MCC: variants seen among roughly 807,000 people sequenced by gnomAD.
MCC encodes the protein MCC regulator of Wnt signaling pathway, also known as colorectal mutant cancer protein.
Under a neutral mutation model 116.2 loss-of-function variants are expected in MCC, and 90 were observed. That is an observed-to-expected ratio of 0.77 (90% CI 0.65 to 0.92). The LOEUF (loss-of-function observed/expected upper bound fraction) is 0.92, where lower values mean the gene tolerates loss of function less well. Ranked by LOEUF, MCC falls within the 40% of genes least tolerant of loss-of-function variation. The probability of loss-of-function intolerance (pLI) is 0.00; values close to 1 mark genes in which losing one functional copy is unlikely to be tolerated. For missense variants in MCC, 1,516 were observed against 1,312.2 expected, an observed-to-expected ratio of 1.16 and a Z score of -2.40; for synonymous variants, 578 against 510.5, an observed-to-expected ratio of 1.13 and a Z score of -1.78.
chr5:113,247,801 G>A (rs542025416), intron 3 of MCC, among the ~76,000 whole-genome samples: 98 of 152,186 alleles, frequency 6.4e-4, no homozygotes, highest in Non-Finnish European at 1.1e-3. Flanking sequence ...ATGGGAGAAT[G>A]GTGTCACCAT....
intron 1 of MCC, among the ~76,000 whole-genome samples, chr5:113,459,568 C>T (rs1771688189): frequency 1.3e-5 from 2 of 151,970 alleles, no homozygotes; most frequent in Non-Finnish European, 2.9e-5. Context: ...ATTCTGTGTT[C>T]ACAGAATCTT....
At chr5:113,336,923 G>A (rs1194349652) in intron 3 of MCC, among the ~76,000 whole-genome samples, 1 of 152,178 alleles carries the variant, frequency 6.6e-6, no homozygotes, top group Non-Finnish European at 1.5e-5. Flanking sequence ...GCTTATGTAG[G>A]AATCTCTCAG....
intron 14 of MCC, among the ~76,000 whole-genome samples, chr5:113,059,087 G>A (rs922514491): frequency 1.3e-5 from 2 of 151,844 alleles, no homozygotes; most frequent in African/African-American, 2.4e-5. Context: ...ATGGCAGGCA[G>A]GGAAGGCTTT....
intron 3 of MCC, among the ~76,000 whole-genome samples, chr5:113,267,302 C>T (rs1765458395): frequency 1.3e-5 from 2 of 152,116 alleles, no homozygotes. Flanking sequence ...GCAATTCACT[C>T]CTCTGCTACT....
At chr5:113,226,920 C>G (rs374594237) in intron 3 of MCC, among the ~76,000 whole-genome samples, 1 of 152,146 alleles carries the variant, frequency 6.6e-6, no homozygotes, top group Non-Finnish European at 1.5e-5. Flanking sequence ...ATTACCTTAA[C>G]AGTTTTGACA....
At chr5:113,197,173 G>A (rs59269054) in intron 3 of MCC, among the ~76,000 whole-genome samples, 16,279 of 152,182 alleles carry the variant, frequency 0.11, 898 homozygotes, top group South Asian at 0.14. Context: ...TCTTAAATAC[G>A]TTCTGGGTCG....
At chr5:113,351,262 A>G (rs1248254209) in intron 2 of MCC, among the ~76,000 whole-genome samples, 2 of 152,198 alleles carry the variant, frequency 1.3e-5, no homozygotes, top group Non-Finnish European at 1.5e-5. Context: ...ACTATTCACA[A>G]TAACCAAGGT....
intron 3 of MCC, among the ~76,000 whole-genome samples, chr5:113,268,057 A>C (rs1033078694): frequency 2.0e-5 from 3 of 152,164 alleles, no homozygotes; most frequent in African/African-American, 7.2e-5. Context: ...AAATTCTGTC[A>C]CTATTGTAGC....
At position 113,385,052 on chromosome 5, in the gene MCC, G is replaced by T. The variant is rs201988704; in HGVS notation, c.331C>A (p.Leu111Ile). Reference sequence around the variant, plus strand: ...CAGGAGTTGTCTGACTTTGCAGAAAGATCTACTTCCTCCTTCCTAATTTCT... The same window carrying T: ...CAGGAGTTGTCTGACTTTGCAGAAATATCTACTTCCTCCTTCCTAATTTCT... ...VREIRKEEVD[L>I]SAKSDNSCTK... Residue 111 changes from leucine (L) to isoleucine (I), a missense_variant, in exon 2 of 19, where the codon CTT becomes ATT. Physicochemically the swap from Leu to Ile is conservative, Grantham distance 5. Transcript: ENST00000408903. The T allele has an allele frequency of 6.2e-7, 1 of 1,614,200 alleles. No individual in the cohort carries two copies. Among genetic ancestry groups the T allele is most frequent in the East Asian group, 2.2e-5 (1 of 44,886 alleles).
chr5:113,072,923 C>A (rs1369486583), intron 11 of MCC, among the ~76,000 whole-genome samples: 1 of 152,128 alleles, frequency 6.6e-6, no homozygotes, highest in Non-Finnish European at 1.5e-5. Context: ...TTCTTGATTT[C>A]CCCTGAACCT....
intron 1 of MCC, among the ~76,000 whole-genome samples, chr5:113,451,825 TAACA>T (rs1267921724): frequency 6.6e-6 from 1 of 152,236 alleles, no homozygotes; most frequent in Non-Finnish European, 1.5e-5. Context: ...CACTGCTGTG[TAACA>T]AACCAATCTA....
intron 3 of MCC, among the ~76,000 whole-genome samples, chr5:113,327,554 AAAAAAAAAT>A (rs1767592341): frequency 9.4e-6 from 1 of 105,836 alleles, no homozygotes; most frequent in Non-Finnish European, 2.0e-5. Context: ...TCAAAAAAAA[AAAAAAAAAT>A]ATATATATAT....
chr5:113,359,483 CTT>C (rs1768494481), intron 2 of MCC, among the ~76,000 whole-genome samples: 1 of 152,204 alleles, frequency 6.6e-6, no homozygotes, highest in South Asian at 2.1e-4. Context: ...AATAAACAGA[CTT>C]TAAAATTCTC....
At chr5:113,438,991 C>T (rs940940670) in intron 1 of MCC, among the ~76,000 whole-genome samples, 9 of 152,090 alleles carry the variant, frequency 5.9e-5, no homozygotes, top group African/African-American at 1.9e-4. Context: ...TGGGAGGTCA[C>T]CCAGGATACG....
At chr5:113,480,536 C>T (rs1054989383) in intron 1 of MCC, among the ~76,000 whole-genome samples, 7 of 152,200 alleles carry the variant, frequency 4.6e-5, no homozygotes, top group Non-Finnish European at 1.0e-4. Context: ...AACCTCGATG[C>T]TTCCTCAAGA....
intron 1 of MCC, among the ~76,000 whole-genome samples, chr5:113,480,894 C>A (rs1208966055): frequency 6.6e-6 from 1 of 152,164 alleles, no homozygotes; most frequent in South Asian, 2.1e-4. Context: ...CCCTCCTCAG[C>A]CTCCTGAGTA....
chr5:113,028,890 C>A (rs1259696562), intron 18 of MCC, 44 bp downstream of exon 18: 2 of 1,601,036 alleles, frequency 1.2e-6, no homozygotes, highest in Non-Finnish European at 1.7e-6. Context: ...GTCCAAGTAC[C>A]ACAGGTGGAG....
chr5:113,438,452 C>A (rs950945202), intron 1 of MCC, among the ~76,000 whole-genome samples: 2 of 151,976 alleles, frequency 1.3e-5, no homozygotes, highest in Non-Finnish European at 2.9e-5. Context: ...ATCTAATTTA[C>A]CTAGTTATCT....
chr5:113,430,637 G>T (rs1329532141), intron 1 of MCC, among the ~76,000 whole-genome samples: 1 of 152,214 alleles, frequency 6.6e-6, no homozygotes, highest in African/African-American at 2.4e-5. Flanking sequence ...GCATGTATAT[G>T]AGAGGTAAGG....
Sources: allele counts gnomAD v4.1 joint callset (sites outside exome capture counted in the v4.1 genomes callset), GRCh38; gene constraint gnomAD v4.1.1; transcripts MANE v1.5; gene names NCBI Gene and HGNC (gene_info 2026-07-23, HGNC 2026-07-21).